The following RIN3 variants were observed in gnomAD, a reference collection of about 807,000 sequenced individuals.
The protein encoded by RIN3 is Ras and Rab interactor 3.
In RIN3, 54 loss-of-function variants were observed where a neutral mutation model predicts 76.3. The ratio of observed to expected loss-of-function variants is 0.71; its 90% confidence interval spans 0.57 to 0.89. The LOEUF (loss-of-function observed/expected upper bound fraction) is 0.89. Among genes scored for constraint, RIN3 ranks in the 40% least tolerant of loss-of-function variants. The probability of loss-of-function intolerance (pLI) is 0.00; values close to 1 mark genes in which losing one functional copy is unlikely to be tolerated. For synonymous variants in RIN3, 576 were observed against 564.0 expected, an observed-to-expected ratio of 1.02 and a Z score of -0.30; for missense variants, 1,256 against 1,322.1, an observed-to-expected ratio of 0.95 and a Z score of 0.78.
intron 1 of RIN3, among the ~76,000 whole-genome samples, chr14:92,538,232 G>A (rs865781925): frequency 6.6e-6 from 1 of 152,202 alleles, no homozygotes; most frequent in Non-Finnish European, 1.5e-5. Flanking sequence ...ACCTCCCAAA[G>A]TGCTGGGATT....
At chr14:92,668,372 A>G (rs1205039891) in intron 7 of RIN3, among the ~76,000 whole-genome samples, 1 of 152,190 alleles carries the variant, frequency 6.6e-6, no homozygotes, top group Non-Finnish European at 1.5e-5. Flanking sequence ...ATGCCTTTTC[A>G]AGCCAGAGTG....
intron 3 of RIN3, among the ~76,000 whole-genome samples, chr14:92,579,512 A>G (rs1172736489): frequency 1.3e-5 from 2 of 152,248 alleles, no homozygotes; most frequent in African/African-American, 4.8e-5. Flanking sequence ...GGCTATGTGT[A>G]TACATGCCAG....
In RIN3 at chr14:92,555,862, C is replaced by T; in HGVS notation, c.156C>T (p.Ile52=). ...TTCCTCACCGCCGGGGCATCAGCAT[C>T]CTGGAGAAGCTCATCAAAACATGCC... ...NCLPHRRGIS[I]LEKLIKTCPV... is the part of the protein sequence containing the mutation. The change falls in exon 2 of 10, where the codon ATC becomes ATT. Residue 52 remains isoleucine, a synonymous_variant. Coordinates refer to ENST00000216487, the MANE Select transcript of RIN3 (RefSeq NM_024832.5). 1 of 1,614,180 alleles carries T rather than the reference C, an allele frequency of 6.2e-7. No homozygotes were observed. Among genetic ancestry groups the T allele is most frequent in the Non-Finnish European group, 8.5e-7 (1 of 1,180,040 alleles).
intron 3 of RIN3, among the ~76,000 whole-genome samples, chr14:92,588,206 A>G (rs1437764689): frequency 7.1e-6 from 1 of 141,198 alleles, no homozygotes; most frequent in African/African-American, 2.6e-5. Context: ...CATTCAAGCC[A>G]TAGCACTCTT....
intron 5 of RIN3, among the ~76,000 whole-genome samples, chr14:92,646,073 A>T (rs1226827818): frequency 6.6e-6 from 1 of 152,186 alleles, no homozygotes; most frequent in Admixed American, 6.5e-5. Context: ...TGGTATCTCA[A>T]TAAAGCTATT....
intron 7 of RIN3, among the ~76,000 whole-genome samples, chr14:92,663,217 A>G (rs1887952949): frequency 6.6e-6 from 1 of 152,262 alleles, no homozygotes; most frequent in South Asian, 2.1e-4. Context: ...GTCATCTCAC[A>G]TAGTTATCGT....
At chr14:92,676,968 A>G (rs1888489084) in intron 8 of RIN3, among the ~76,000 whole-genome samples, 1 of 151,928 alleles carries the variant, frequency 6.6e-6, no homozygotes, top group Non-Finnish European at 1.5e-5. Context: ...TAAAAAAAAA[A>G]GGGAAAAGGC....
chr14:92,583,959 G>A (rs1272505387), intron 3 of RIN3, among the ~76,000 whole-genome samples: 1 of 152,160 alleles, frequency 6.6e-6, no homozygotes, highest in African/African-American at 2.4e-5. Flanking sequence ...GATCTGGCAG[G>A]AGGCAGAGCT....
At chr14:92,578,213 G>A (rs186861750) in intron 3 of RIN3, among the ~76,000 whole-genome samples, 65 of 151,220 alleles carry the variant, frequency 4.3e-4, no homozygotes, top group Admixed American at 2.3e-3. Context: ...TCCATCCTGG[G>A]TGACAGAGGG....
intron 9 of RIN3, chr14:92,687,620 T>C (rs1888912006): frequency 2.3e-6 from 1 of 426,160 alleles, no homozygotes; most frequent in Non-Finnish European, 4.2e-6. Flanking sequence ...AGGGAATGAA[T>C]GAATGAATGA....
chr14:92,563,934 C>T (rs1448452251), intron 2 of RIN3, among the ~76,000 whole-genome samples: 1 of 152,216 alleles, frequency 6.6e-6, no homozygotes, highest in African/African-American at 2.4e-5. Flanking sequence ...TACCCCTAAG[C>T]TCTGTCAGAG....
intron 2 of RIN3, chr14:92,576,410 G>A (rs961989162): frequency 4.7e-6 from 6 of 1,289,488 alleles, no homozygotes; most frequent in Non-Finnish European, 3.0e-6. Context: ...GAGCACAGCT[G>A]CGTCCTCACA....
At chr14:92,580,094 T>A (rs1213633692) in intron 3 of RIN3, among the ~76,000 whole-genome samples, 2 of 152,188 alleles carry the variant, frequency 1.3e-5, no homozygotes, top group African/African-American at 4.8e-5. Context: ...AAAACACAAC[T>A]CGCTGGGCAC....
intron 2 of RIN3, among the ~76,000 whole-genome samples, chr14:92,572,162 G>C (rs997875846): frequency 6.6e-6 from 1 of 152,194 alleles, no homozygotes; most frequent in Non-Finnish European, 1.5e-5. Flanking sequence ...TCTTGTGTCC[G>C]TCCCTTCTCC....
At chr14:92,679,158 T>A (rs1309328448) in intron 8 of RIN3, among the ~76,000 whole-genome samples, 1 of 152,220 alleles carries the variant, frequency 6.6e-6, no homozygotes, top group Non-Finnish European at 1.5e-5. Context: ...ATAACGGCGC[T>A]AAACAGTTCC....
intron 1 of RIN3, among the ~76,000 whole-genome samples, chr14:92,518,427 G>A (rs1424108519): frequency 1.3e-5 from 2 of 152,202 alleles, no homozygotes; most frequent in South Asian, 2.1e-4. Context: ...CACAGGGCGG[G>A]GCTAAGTAGG....
intron 2 of RIN3, among the ~76,000 whole-genome samples, chr14:92,556,186 G>C (rs1897575714): frequency 6.6e-6 from 1 of 152,172 alleles, no homozygotes; most frequent in Non-Finnish European, 1.5e-5. Context: ...TTTGTGACTG[G>C]AGAGCAGGTA....
At chr14:92,673,078 C>T (rs907173378) in intron 7 of RIN3, among the ~76,000 whole-genome samples, 1 of 151,494 alleles carries the variant, frequency 6.6e-6, no homozygotes. Context: ...CCTAGGACTT[C>T]GAGACCAGCC....
Position 92,660,619 on chromosome 14 carries a change from T to C in RIN3, c.2335+1150T>C, listed in dbSNP as rs556549351. The stretch of plus-strand genomic sequence containing the variant: ...AAAGCCTGCAAGGCCCATCGAGGCC[T>C]GGCCCTGAACTGGCATGATGTCACT... On this transcript the variant is annotated intron_variant, in intron 7 of 9. Coordinates refer to ENST00000216487, the MANE Select transcript of RIN3 (RefSeq NM_024832.5). 2.5e-4 allele frequency among the ~76,000 whole-genome samples: 38 copies of C among 152,380 alleles called. No individual in the cohort carries two copies. In the South Asian group the frequency reaches 7.5e-3, roughly 30 times the overall value.
Sources: allele counts gnomAD v4.1 joint callset (sites outside exome capture counted in the v4.1 genomes callset), GRCh38; gene constraint gnomAD v4.1.1; transcripts MANE v1.5; gene names NCBI Gene and HGNC (gene_info 2026-07-23, HGNC 2026-07-21).